The following EVI5L variants were observed in gnomAD, a reference collection of about 807,000 sequenced individuals.
EVI5L encodes the protein EVI5-like protein.
Under a neutral mutation model 106.1 loss-of-function variants are expected in EVI5L, and 30 were observed. The observed-to-expected ratio is 0.28, with a 90% CI of 0.21 to 0.38. EVI5L has a LOEUF of 0.38. EVI5L is among the 10% of genes least tolerant of loss of function. The probability of loss-of-function intolerance (pLI) is 1.00; values close to 1 mark genes in which losing one functional copy is unlikely to be tolerated. For synonymous variants in EVI5L, 489 were observed against 483.3 expected (o/e 1.01, Z -0.15); for missense variants, 809 against 1,098.0 (o/e 0.74, Z 3.72).
chr19:7,856,843 C>G lies in EVI5L; in HGVS notation c.1201-249C>G. On this transcript the variant is annotated intron_variant, in intron 11 of 19. Transcript: ENST00000538904. The surrounding 1 kb of genome is among the most constrained non-coding windows in gnomAD (Gnocchi z 6.6). ...GGTTTCCCAGCCCTGCGGCCTCCCC[C>G]ACAGCCGCGGGCACCCCCGACCTCC... The G allele has an allele frequency of 1.5e-6, 1 of 679,898 alleles. No individual in the cohort carries two copies. The highest frequency in any genetic ancestry group is 1.6e-5 in the South Asian group (1 of 64,180). The allele number at this position is 679,898 out of a possible 1,614,324, so 42.1% of individuals were successfully genotyped here.
At position 7,849,703 on chromosome 19, in the gene EVI5L, G is replaced by A. The variant is rs760309069; in HGVS notation, c.628-294G>A. ...CGGGAGGCTGACAGGGAGAGAGGAC[G>A]CAGCTGGGACAGGAGGTATCCTAAC... On this transcript the variant is annotated intron_variant, in intron 5 of 19. Coordinates refer to ENST00000538904, the MANE Select transcript of EVI5L (RefSeq NM_001159944.3). 3.6e-4 allele frequency among the ~76,000 whole-genome samples: 55 copies of A among 152,192 alleles called. 1 individual carries two copies. The highest frequency in any genetic ancestry group is 7.2e-4 in the Non-Finnish European group (49 of 68,026).
At position 7,849,133 on chromosome 19, in the gene EVI5L, C is replaced by A. The variant is rs1979108873; in HGVS notation, c.540C>A (p.Phe180Leu). The change falls in exon 4 of 20, where the codon TTC becomes TTA. Residue 180 changes from phenylalanine (F) to leucine (L), a missense_variant. This residue lies in a region of EVI5L where 357 missense variants were observed against 588.1 expected (regional missense o/e 0.61). Transcript: ENST00000538904. ...GQDSLGQEVL[F>L]NVMKAYSLVD... ...ACAGCCTGGGCCAGGAGGTCCTCTT[C>A]AACGTCATGAAGGTGAGGCCCAGGG... 1 of 1,610,448 alleles carries A rather than the reference C, an allele frequency of 6.2e-7. No individual in the cohort carries two copies. Among genetic ancestry groups the A allele is most frequent in the Non-Finnish European group, 8.5e-7 (1 of 1,178,324 alleles).
chr19:7,850,210 G>A lies in EVI5L; in HGVS notation c.753+88G>A, dbSNP rs1599570774. 1 of 1,509,172 alleles carries A rather than the reference G, an allele frequency of 6.6e-7. No individual in the cohort carries two copies. Among genetic ancestry groups the A allele is most frequent in the Non-Finnish European group, 8.9e-7 (1 of 1,127,294 alleles). The allele number at this position is 1,509,172 out of a possible 1,614,324, so 93.5% of individuals were successfully genotyped here. On this transcript the variant is annotated intron_variant, in intron 6 of 19. Transcript: ENST00000538904. This position sits in a 1 kb window ranked among gnomAD's most constrained non-coding sequence, Gnocchi z 5.4. ...AAGGGAGCAGGATCGCAGAAGGGCAGGGCTGGCACCCTAGACCATACCCGG... is the reference window on the plus strand; with the variant it reads ...AAGGGAGCAGGATCGCAGAAGGGCAAGGCTGGCACCCTAGACCATACCCGG...
Position 7,846,560 on chromosome 19 carries a change from G to A in EVI5L, c.18G>A (p.Leu6=). Residue 6 remains leucine (L), a synonymous_variant, in exon 2 of 20, where the codon CTG becomes CTA. Coordinates refer to ENST00000538904, the MANE Select transcript of EVI5L (RefSeq NM_001159944.3). MASPT[L]SPDSSSQEAL... The stretch of plus-strand genomic sequence containing the variant: ...CACCCACCATGGCGAGCCCCACTCT[G>A]AGCCCCGACTCCTCATCCCAGGAGG... The A allele has an allele frequency of 6.2e-7, 1 of 1,611,716 alleles. No individual in the cohort carries two copies. The highest frequency in any genetic ancestry group is 8.5e-7 in the Non-Finnish European group (1 of 1,179,242).
In EVI5L at chr19:7,845,688, A is replaced by G. The variant is rs475729; in HGVS notation, c.-47-808A>G. Among the ~76,000 whole-genome samples, 110,796 of 152,208 alleles carry G rather than the reference A, an allele frequency of 0.73. 40,839 individuals carry two copies. The highest frequency in any genetic ancestry group is 0.84 in the South Asian group (4,037 of 4,820). ...CCAGTACCTTTGTTTTTGACATGGC[A>G]TTGATCTGCCTCCACCAGGGTGGCA... On this transcript the variant is annotated intron_variant, in intron 1 of 19. Transcript: ENST00000538904. The surrounding 1 kb of genome is among the most constrained non-coding windows in gnomAD (Gnocchi z 4.0).
rs141254631 is a variant in EVI5L, at chr19:7,850,614, G to GACACAC, written c.753+503_753+508dup. Among the ~76,000 whole-genome samples the GACACAC allele has an allele frequency of 1.3e-5, 2 of 151,690 alleles. No individual in the cohort carries two copies. The highest frequency in any genetic ancestry group is 4.8e-5 in the African/African-American group (2 of 41,312). ...ACCCGCATGCATACACACACACGCA[G>GACACAC]ACACACACACACACACCGGCCCGCC... On this transcript the variant is annotated intron_variant, in intron 6 of 19. Transcript: ENST00000538904. This position sits in a 1 kb window ranked among gnomAD's most constrained non-coding sequence, Gnocchi z 5.4.
chr19:7,844,568 T>C (rs1978868627), intron 1 of EVI5L, among the ~76,000 whole-genome samples: 1 of 152,178 alleles, frequency 6.6e-6, no homozygotes, highest in Non-Finnish European at 1.5e-5. Flanking sequence ...TCAGCACTTC[T>C]TGTCCACAGC....
rs1279705987 is a variant in EVI5L at position 7,854,241 on chromosome 19, C to T, written c.1146+908C>T. Among the ~76,000 whole-genome samples, 4 of 145,572 alleles carry T rather than the reference C, an allele frequency of 2.7e-5. No individual in the cohort carries two copies. In the South Asian group the frequency reaches 6.4e-4, roughly 23 times the overall value. ...AGGTTACAGTGAGGCAAGATTGTACCGTTGCACTCCAGCCTGGGCGACAGA... is the reference window on the plus strand; with the variant it reads ...AGGTTACAGTGAGGCAAGATTGTACTGTTGCACTCCAGCCTGGGCGACAGA... On this transcript the variant is annotated intron_variant, in intron 10 of 19. Coordinates refer to ENST00000538904, the MANE Select transcript of EVI5L (RefSeq NM_001159944.3).
chr19:7,853,041 A>T, intron 8 of EVI5L, 45 bp from the exon 9 acceptor site: 1 of 1,608,904 alleles, frequency 6.2e-7, no homozygotes, highest in Non-Finnish European at 8.5e-7. Flanking sequence ...CCCGGTGGTC[A>T]GGGCCTGCAT....
intron 10 of EVI5L, among the ~76,000 whole-genome samples, chr19:7,855,729 G>A (rs1249811401): frequency 1.3e-5 from 2 of 152,196 alleles, no homozygotes; most frequent in Non-Finnish European, 2.9e-5. Flanking sequence ...GGGGGCGTGG[G>A]TACTGACTGG....
intron 10 of EVI5L, 70 bp downstream of exon 10, chr19:7,853,403 G>GA: frequency 1.3e-6 from 2 of 1,555,804 alleles, no homozygotes; most frequent in Non-Finnish European, 1.7e-6. Context: ...GTACTCTAAA[G>GA]ATCGGCCGCT....
At position 7,857,400 on chromosome 19, in the gene EVI5L, GTGGGGACCCAGGAGGGC is replaced by G. The variant is rs1979582299; in HGVS notation, c.1233+283_1233+299del. On this transcript the variant is annotated intron_variant, in intron 12 of 19. Coordinates refer to ENST00000538904, the MANE Select transcript of EVI5L (RefSeq NM_001159944.3). The surrounding 1 kb of genome is among the most constrained non-coding windows in gnomAD (Gnocchi z 4.5). Reference sequence around the variant, plus strand: ...GAAAGCTTCCTCCGGGCGACACAGGGTGGGGACCCAGGAGGGCTGGGGAACCTAAAACCATATTCACA... The same window carrying G: ...GAAAGCTTCCTCCGGGCGACACAGGGTGGGGAACCTAAAACCATATTCACA... 1 of 590,222 alleles carries G rather than the reference GTGGGGACCCAGGAGGGC, an allele frequency of 1.7e-6. No individual in the cohort carries two copies. Among genetic ancestry groups the G allele is most frequent in the Non-Finnish European group, 3.0e-6 (1 of 330,730 alleles). 36.6% of individuals were successfully genotyped at this position (590,222 alleles called of 1,614,324 possible).
In EVI5L at chr19:7,845,974, T is replaced by C. The variant is rs1003784329; in HGVS notation, c.-47-522T>C. ...CCAGACAATTAACAGTCGAAAGTAATTGCTCTTGGCCGTGCCAGCAGCCCA... is the reference window on the plus strand; with the variant it reads ...CCAGACAATTAACAGTCGAAAGTAACTGCTCTTGGCCGTGCCAGCAGCCCA... On this transcript the variant is annotated intron_variant, in intron 1 of 19. Coordinates refer to ENST00000538904, the MANE Select transcript of EVI5L (RefSeq NM_001159944.3). The surrounding 1 kb of genome is among the most constrained non-coding windows in gnomAD (Gnocchi z 4.0). Among the ~76,000 whole-genome samples, 1 of 152,202 alleles carries C rather than the reference T, an allele frequency of 6.6e-6. No individual in the cohort carries two copies. The highest frequency in any genetic ancestry group is 2.4e-5 in the African/African-American group (1 of 41,452).
At chr19:7,861,535 AG>A (rs2146439479) in intron 14 of EVI5L, among the ~76,000 whole-genome samples, 1 of 152,350 alleles carries the variant, frequency 6.6e-6, no homozygotes, top group South Asian at 2.1e-4. Flanking sequence ...GAGGGCAGAC[AG>A]GGTGTTTCTG....
chr19:7,843,605 G>A (rs1337159253), intron 1 of EVI5L, among the ~76,000 whole-genome samples: 1 of 149,132 alleles, frequency 6.7e-6, no homozygotes, highest in East Asian at 2.0e-4. Flanking sequence ...TCAAGTGTGT[G>A]TGTATAGGTG....
At position 7,861,973 on chromosome 19, in the gene EVI5L, G is replaced by A; in HGVS notation, c.1599G>A (p.Thr533=). 6.5e-7 allele frequency: 1 copy of A among 1,549,680 alleles called. No homozygotes were observed. The highest frequency in any genetic ancestry group is 8.7e-7 in the Non-Finnish European group (1 of 1,146,776). ...GGGAAGGCCAGGCGGTGGCCTCGAC[G>A]CGAGAGCTTAAACTGCAGCTGCAGG... is the stretch of plus-strand genomic sequence containing the variant. ...KVREGQAVAS[T]RELKLQLQEL... The change falls in exon 15 of 20, where the codon ACG becomes ACA. Residue 533 remains threonine (T), a synonymous_variant. Coordinates refer to ENST00000538904, the MANE Select transcript of EVI5L (RefSeq NM_001159944.3).
chr19:7,861,390 A>C (rs1979794158), intron 14 of EVI5L, among the ~76,000 whole-genome samples: 1 of 152,178 alleles, frequency 6.6e-6, no homozygotes, highest in South Asian at 2.1e-4. Context: ...CTCATCCAGA[A>C]AGCTGGATTT....
intron 1 of EVI5L, among the ~76,000 whole-genome samples, chr19:7,842,546 G>A (rs1978674446): frequency 6.8e-6 from 1 of 148,000 alleles, no homozygotes; most frequent in South Asian, 2.2e-4. Flanking sequence ...GGTGTATCAA[G>A]TGTGTGTATG....
chr19:7,833,842 A>G (rs1978308432), intron 1 of EVI5L, among the ~76,000 whole-genome samples: 1 of 152,212 alleles, frequency 6.6e-6, no homozygotes, highest in African/African-American at 2.4e-5. Context: ...ACTGCAGCAC[A>G]CACATGCTAG....
Sources: allele counts gnomAD v4.1 joint callset (sites outside exome capture counted in the v4.1 genomes callset), GRCh38; gene constraint gnomAD v4.1.1; regional missense constraint gnomAD v4.1.1; non-coding constraint Gnocchi (gnomAD v3.1); transcripts MANE v1.5; gene names NCBI Gene and HGNC (gene_info 2026-07-23, HGNC 2026-07-21).